The following BRSK2 variants were observed in gnomAD, a reference collection of about 807,000 sequenced individuals.
BRSK2 encodes the protein serine/threonine-protein kinase BRSK2.
Under a neutral mutation model 83.3 loss-of-function variants are expected in BRSK2, and 19 were observed. The ratio of observed to expected loss-of-function variants is 0.23; its 90% CI spans 0.16 to 0.33. The LOEUF (loss-of-function observed/expected upper bound fraction) is 0.33, where lower values mean the gene tolerates loss of function less well. BRSK2 is among the 10% of genes least tolerant of loss of function. The probability of loss-of-function intolerance (pLI) is 1.00; values close to 1 mark genes in which losing one functional copy is unlikely to be tolerated. For missense variants in BRSK2, 798 were observed against 1,042.3 expected, an observed-to-expected ratio of 0.77 and a Z score of 3.23; for synonymous variants, 519 against 435.4, an observed-to-expected ratio of 1.19 and a Z score of -2.39.
chr11:1,446,619 A>G (rs1852162736), intron 12 of BRSK2, among the ~76,000 whole-genome samples: 1 of 151,470 alleles, frequency 6.6e-6, no homozygotes, highest in South Asian at 2.1e-4. Context: ...TGATGAGCAG[A>G]CCCGTGGCCG....
At chr11:1,434,121 C>T (rs1034036021) in intron 1 of BRSK2, among the ~76,000 whole-genome samples, 3 of 152,238 alleles carry the variant, frequency 2.0e-5, no homozygotes, top group Non-Finnish European at 4.4e-5. Flanking sequence ...GTGCGTGCAC[C>T]AGGATAAAAA....
chr11:1,452,947 G>A lies in BRSK2; in HGVS notation c.1544+1528G>A, dbSNP rs189027313. ...ACCCCAGAGGAACAGCACCAAGGGAGGCAGCTGGCTTCAGGAAGGGATGCA... is the reference window on the plus strand; with the variant it reads ...ACCCCAGAGGAACAGCACCAAGGGAAGCAGCTGGCTTCAGGAAGGGATGCA... On this transcript the variant is annotated intron_variant, in intron 15 of 19. Transcript: ENST00000528841. Among the ~76,000 whole-genome samples, 27 of 152,368 alleles carry A rather than the reference G, an allele frequency of 1.8e-4. No homozygotes were observed. In the East Asian group the frequency reaches 5.0e-3, roughly 28 times the overall value.
chr11:1,452,600 C>T (rs528092348), intron 15 of BRSK2, among the ~76,000 whole-genome samples: 11 of 151,786 alleles, frequency 7.2e-5, no homozygotes, highest in South Asian at 4.1e-4. Context: ...ACGGATGCCT[C>T]CCACAGCCCC....
chr11:1,399,764 G>C (rs1425116065), intron 1 of BRSK2, among the ~76,000 whole-genome samples: 1 of 152,164 alleles, frequency 6.6e-6, no homozygotes. Flanking sequence ...AGTGAGTTCT[G>C]GGCCGACCAA....
intron 1 of BRSK2, among the ~76,000 whole-genome samples, chr11:1,425,756 C>T (rs1341361249): frequency 1.3e-5 from 2 of 152,208 alleles, no homozygotes; most frequent in African/African-American, 2.4e-5. Context: ...GGAACCCACC[C>T]CCTTCTGGGC....
rs1380000548 is a variant in BRSK2 at position 1,390,605 on chromosome 11, C to A, written c.91+230C>A. 7.0e-6 allele frequency among the ~76,000 whole-genome samples: 1 copy of A among 143,636 alleles called. No individual in the cohort carries two copies. Among genetic ancestry groups the A allele is most frequent in the East Asian group, 2.2e-4 (1 of 4,548 alleles). 94.2% of individuals were successfully genotyped at this position (143,636 alleles called of 152,430 possible). ...CCGGGCGCGGCCCAAGGACACGCGG[C>A]GCGGCGCGGGGCGCGCAGGCGGACA... On this transcript the variant is annotated intron_variant, in intron 1 of 19. Coordinates refer to ENST00000528841, the MANE Select transcript of BRSK2 (RefSeq NM_001256627.2). This position sits in a 1 kb window ranked among gnomAD's most constrained non-coding sequence, Gnocchi z 6.8.
chr11:1,442,547 C>T lies in BRSK2; in HGVS notation c.471C>T (p.Ile157=), dbSNP rs556280070. ...TGGACGAGAAGAACAACATCCGCAT[C>T]GCAGACTTTGGCATGGCGTCCCTGC... ...LLLDEKNNIR[I]ADFGMASLQV... Residue 157 remains isoleucine, a synonymous_variant, in exon 5 of 20, where the codon ATC becomes ATT. Transcript: ENST00000528841. 4.8e-5 allele frequency: 77 copies of T among 1,613,138 alleles called. No individual in the cohort carries two copies. In the East Asian group the frequency reaches 1.4e-3, roughly 29 times the overall value.
chr11:1,426,184 G>T (rs1326222815), intron 1 of BRSK2, among the ~76,000 whole-genome samples: 2 of 152,152 alleles, frequency 1.3e-5, no homozygotes, highest in Non-Finnish European at 2.9e-5. Context: ...TGGCCATCAG[G>T]GCCTGGATGG....
intron 15 of BRSK2, chr11:1,453,731 G>GCT (rs1554914287): frequency 6.6e-6 from 1 of 151,986 alleles, no homozygotes; most frequent in Non-Finnish European, 1.5e-5. Flanking sequence ...GCACCACTGA[G>GCT]CCCCAGCCCT....
chr11:1,403,328 A>G (rs1846619425), intron 1 of BRSK2, among the ~76,000 whole-genome samples: 1 of 152,178 alleles, frequency 6.6e-6, no homozygotes, highest in South Asian at 2.1e-4. Flanking sequence ...GCCACCCCTC[A>G]CCGCAGGCCA....
In BRSK2 at chr11:1,438,500, T is replaced by C; in HGVS notation, c.272+109T>C. On this transcript the variant is annotated intron_variant, in intron 3 of 19. Coordinates refer to ENST00000528841, the MANE Select transcript of BRSK2 (RefSeq NM_001256627.2). This position sits in a 1 kb window ranked among gnomAD's most constrained non-coding sequence, Gnocchi z 6.4. Reference sequence around the variant, plus strand: ...ACAGGGGCTGGAGGCCAGGGGCGCCTGCTGCATCCCAGCAGCCCTGGCCCT... The same window carrying C: ...ACAGGGGCTGGAGGCCAGGGGCGCCCGCTGCATCCCAGCAGCCCTGGCCCT... 1.0e-6 allele frequency: 1 copy of C among 979,622 alleles called. No homozygotes were observed. Among genetic ancestry groups the C allele is most frequent in the Non-Finnish European group, 1.6e-6 (1 of 632,026 alleles). The allele number at this position is 979,622 out of a possible 1,614,324, so 60.7% of individuals were successfully genotyped here. A position where few individuals can be genotyped will look rare whatever the true frequency, so the allele number is the denominator to read the frequency against.
At chr11:1,451,073 G>A (rs570066803) in intron 14 of BRSK2, among the ~76,000 whole-genome samples, 58 of 152,348 alleles carry the variant, frequency 3.8e-4, no homozygotes, top group Admixed American at 2.2e-3. Flanking sequence ...CCACCGAGGG[G>A]GCACTGCCAG....
At chr11:1,436,008 T>C (rs115124624) in intron 1 of BRSK2, 32 bp from the exon 2 acceptor site, 67,053 of 1,554,742 alleles carry the variant, frequency 0.043, 2,037 homozygotes, top group African/African-American at 0.15. Context: ...GCACCCTGGG[T>C]GGGTCTGAGC....
At position 1,459,247 on chromosome 11, in the gene BRSK2, T is replaced by TC. The variant is rs771921282; in HGVS notation, c.1987+13dup. ...GGCGGCTTTCCAAATGTGGTAAGAA[T>TC]CCCCCACGCTCACCTGGCACCTCCA... On this transcript the variant is annotated intron_variant, in intron 19 of 19. Transcript: ENST00000528841. The TC allele has an allele frequency of 2.5e-6, 4 of 1,612,634 alleles. No homozygotes were observed. The highest frequency in any genetic ancestry group is 3.4e-6 in the Non-Finnish European group (4 of 1,179,608).
In BRSK2 at chr11:1,454,624, G is replaced by A. The variant is rs367830384; in HGVS notation, c.1668+16G>A. The A allele has an allele frequency of 8.7e-5, 140 of 1,611,814 alleles. 1 individual carries two copies. Among genetic ancestry groups the A allele is most frequent in the Middle Eastern group, 7.0e-4 (4 of 5,738 alleles). On this transcript the variant is annotated intron_variant, in intron 16 of 19. Coordinates refer to ENST00000528841, the MANE Select transcript of BRSK2 (RefSeq NM_001256627.2). This position sits in a 1 kb window ranked among gnomAD's most constrained non-coding sequence, Gnocchi z 5.2. Reference sequence around the variant, plus strand: ...CTTCCTGTCGGTGAGGCCACAGGGCGCTGGGGGAGGCGGGCAGCCCTCCCA... The same window carrying A: ...CTTCCTGTCGGTGAGGCCACAGGGCACTGGGGGAGGCGGGCAGCCCTCCCA...
rs184313678 is a variant in BRSK2 at position 1,391,164 on chromosome 11, C to G, written c.91+789C>G. Among the ~76,000 whole-genome samples the G allele has an allele frequency of 4.5e-3, 680 of 152,358 alleles. 8 individuals are homozygous for G. The highest frequency in any genetic ancestry group is 0.016 in the African/African-American group (657 of 41,586). On this transcript the variant is annotated intron_variant, in intron 1 of 19. Transcript: ENST00000528841. ...GCTACCCTCGCATGTGGCCAACTCT[C>G]CCCGGCCCGCTGGGTTTGGCTAGCC...
rs191487211 is a variant in BRSK2 at position 1,462,502 on chromosome 11, G to A, written c.*1779G>A. The A allele has an allele frequency of 2.0e-5, 3 of 152,302 alleles. No individual in the cohort carries two copies. Among genetic ancestry groups the A allele is most frequent in the East Asian group, 1.9e-4 (1 of 5,172 alleles). 9.4% of individuals were successfully genotyped at this position (152,302 alleles called of 1,614,324 possible). A position where few individuals can be genotyped will look rare whatever the true frequency, so the allele number is the denominator to read the frequency against. On this transcript the variant is annotated 3_prime_UTR_variant, in exon 20 of 20. Coordinates refer to ENST00000528841, the MANE Select transcript of BRSK2 (RefSeq NM_001256627.2). ...ACAGCAAACGCCAGGCGGTACAGGC[G>A]GGAAGGGGCTCTCCACGGAGATCGA... is the stretch of plus-strand genomic sequence containing the variant.
At position 1,460,593 on chromosome 11, in the gene BRSK2, A is replaced by C; in HGVS notation, c.2081A>C (p.Lys694Thr). The change falls in exon 20 of 20, where the codon AAG (lysine) becomes ACG (threonine). Residue 694 changes from lysine (K) to threonine (T), a missense_variant. Physicochemically the swap from Lys to Thr is moderately conservative, Grantham distance 78 (BLOSUM62 -1). Around this residue, in one of 6 missense-constraint regions of BRSK2, gnomAD observed 455 missense variants for 455.2 expected, o/e 1.00. Transcript: ENST00000528841. Reference sequence around the variant, plus strand: ...GCCCAGGCCCCCAGCACGCCCGCCAAGCGGAGTGCCCACGGCCCACTCGGT... The same window carrying C: ...GCCCAGGCCCCCAGCACGCCCGCCACGCGGAGTGCCCACGGCCCACTCGGT... ...QAAQAPSTPA[K>T]RSAHGPLGDS... is the part of the protein sequence containing the mutation. 1.3e-6 allele frequency: 2 copies of C among 1,532,776 alleles called. No homozygotes were observed. The highest frequency in any genetic ancestry group is 8.7e-7 in the Non-Finnish European group (1 of 1,145,112). The allele number at this position is 1,532,776 out of a possible 1,614,324, so 94.9% of individuals were successfully genotyped here. A position where few individuals can be genotyped will look rare whatever the true frequency, so the allele number is the denominator to read the frequency against.
chr11:1,396,790 C>T (rs990309799), intron 1 of BRSK2, among the ~76,000 whole-genome samples: 46 of 152,186 alleles, frequency 3.0e-4, no homozygotes, highest in Non-Finnish European at 5.9e-5. Flanking sequence ...TGCCGGCCGC[C>T]GGCATCCACC....
Sources: gnomAD v4.1 joint callset for allele counts (sites outside exome capture counted in the v4.1 genomes callset) on GRCh38, gnomAD v4.1.1 for gene constraint, gnomAD v4.1.1 regional missense constraint, Gnocchi (gnomAD v3.1) non-coding constraint, MANE v1.5 for transcripts, NCBI Gene and HGNC (gene_info 2026-07-23, HGNC 2026-07-21) for gene names.